Variants in TMEM178B observed in about 807,000 individuals in gnomAD.
TMEM178B encodes transmembrane protein 178B.
Under a neutral mutation model 31.0 loss-of-function variants are expected in TMEM178B, and 5 were observed. That is an observed-to-expected ratio of 0.16 (90% CI 0.08 to 0.34). The LOEUF (loss-of-function observed/expected upper bound fraction) is 0.34, where lower values mean the gene tolerates loss of function less well. TMEM178B is among the 10% of genes least tolerant of loss of function. The probability of loss-of-function intolerance (pLI) is 1.00; values close to 1 mark genes in which losing one functional copy is unlikely to be tolerated. For synonymous variants in TMEM178B, 164 were observed against 164.0 expected (o/e 1.00, Z 0.00); for missense variants, 275 against 400.3 (o/e 0.69, Z 2.67).
chr7:141,156,277 C>G (rs1320059665), intron 1 of TMEM178B, among the ~76,000 whole-genome samples: 1 of 152,156 alleles, frequency 6.6e-6, no homozygotes, highest in Non-Finnish European at 1.5e-5. Flanking sequence ...GGCTTTGGAA[C>G]TGGATCTCTG....
chr7:141,275,317 A>G (rs1798248494), intron 2 of TMEM178B, among the ~76,000 whole-genome samples: 1 of 152,210 alleles, frequency 6.6e-6, no homozygotes, highest in African/African-American at 2.4e-5. Flanking sequence ...AGACAAAATC[A>G]AAGTCATATT....
rs1157659500 is a variant in TMEM178B at position 141,478,296 on chromosome 7, C to T, written c.*7510C>T. On this transcript the variant is annotated 3_prime_UTR_variant, in exon 4 of 4. Transcript: ENST00000565468. ...AGTAATAGGAAGTAGGAAAGAGGAG[C>T]AGGGATTAGGTAAATCTGCAGCATA... 1 of 152,266 alleles carries T rather than the reference C, an allele frequency of 6.6e-6. No individual in the cohort carries two copies. Among genetic ancestry groups the T allele is most frequent in the Non-Finnish European group, 1.5e-5 (1 of 68,088 alleles). 9.4% of individuals were successfully genotyped at this position (152,266 alleles called of 1,614,324 possible).
At chr7:141,281,037 C>G (rs1249409027) in intron 2 of TMEM178B, among the ~76,000 whole-genome samples, 1 of 152,034 alleles carries the variant, frequency 6.6e-6, no homozygotes, top group African/African-American at 2.4e-5. Flanking sequence ...CCCTTGTTCT[C>G]TTTGCTCTGC....
intron 2 of TMEM178B, among the ~76,000 whole-genome samples, chr7:141,367,096 T>TG (rs1299432276): frequency 0.22 from 7,080 of 32,622 alleles, 252 homozygotes; most frequent in East Asian, 0.39. Flanking sequence ...GGGGGAGGGG[T>TG]GGGGGGGGCA....
intron 1 of TMEM178B, among the ~76,000 whole-genome samples, chr7:141,135,570 CAA>C (rs1322597240): frequency 3.3e-5 from 5 of 152,098 alleles, no homozygotes; most frequent in East Asian, 1.9e-4. Flanking sequence ...AAATCAATAA[CAA>C]GAGGAACTTT....
chr7:141,154,131 C>A (rs768067080), intron 1 of TMEM178B, among the ~76,000 whole-genome samples: 5 of 152,212 alleles, frequency 3.3e-5, no homozygotes, highest in African/African-American at 1.2e-4. Context: ...TTTTTAAATG[C>A]GGTCAGCTGG....
intron 1 of TMEM178B, among the ~76,000 whole-genome samples, chr7:141,086,475 G>T (rs962036169): frequency 6.6e-6 from 1 of 152,018 alleles, no homozygotes; most frequent in African/African-American, 2.4e-5. Context: ...AGAAAGGTAG[G>T]GTGCAGAATG....
chr7:141,276,053 A>G (rs1442175177), intron 2 of TMEM178B, among the ~76,000 whole-genome samples: 2 of 152,202 alleles, frequency 1.3e-5, no homozygotes, highest in East Asian at 1.9e-4. Flanking sequence ...GATTAACCTC[A>G]GTGCTCACCA....
chr7:141,394,673 T>C (rs1297023437), intron 2 of TMEM178B, among the ~76,000 whole-genome samples: 1 of 152,192 alleles, frequency 6.6e-6, no homozygotes, highest in African/African-American at 2.4e-5. Context: ...GATATCATTT[T>C]CTCCCAACAC....
chr7:141,359,615 A>G (rs937922882), intron 2 of TMEM178B, among the ~76,000 whole-genome samples: 1 of 152,182 alleles, frequency 6.6e-6, no homozygotes, highest in Non-Finnish European at 1.5e-5. Context: ...CTCCAGGTCC[A>G]TCTTGGAGTT....
At chr7:141,226,861 AAAAAAAAAAAAAAG>A (rs1350404807) in intron 2 of TMEM178B, among the ~76,000 whole-genome samples, 2 of 59,016 alleles carry the variant, frequency 3.4e-5, no homozygotes, top group African/African-American at 7.5e-5. Flanking sequence ...ACCACTCTGA[AAAAAAAAAAAAAAG>A]AAAAAGAAAA....
intron 1 of TMEM178B, among the ~76,000 whole-genome samples, chr7:141,200,502 A>G (rs1181994635): frequency 1.3e-5 from 2 of 152,236 alleles, no homozygotes; most frequent in East Asian, 1.9e-4. Context: ...TAGATTTTCA[A>G]TGAAAGAGAG....
At chr7:141,165,750 G>A (rs1005282) in intron 1 of TMEM178B, among the ~76,000 whole-genome samples, 112,507 of 152,148 alleles carry the variant, frequency 0.74, 42,269 homozygotes, top group African/African-American at 0.84. Flanking sequence ...GGGTCAGGCC[G>A]CTTGAGTTGA....
At chr7:141,248,648 A>G (rs553854687) in intron 2 of TMEM178B, among the ~76,000 whole-genome samples, 1 of 152,318 alleles carries the variant, frequency 6.6e-6, no homozygotes, top group African/African-American at 2.4e-5. Flanking sequence ...CGAAATATAG[A>G]AAAGGTACAG....
At chr7:141,117,897 G>C (rs779323451) in intron 1 of TMEM178B, among the ~76,000 whole-genome samples, 2 of 152,156 alleles carry the variant, frequency 1.3e-5, no homozygotes, top group Admixed American at 6.6e-5. Context: ...GTACCATGCT[G>C]TTTTGGTTAC....
intron 2 of TMEM178B, among the ~76,000 whole-genome samples, chr7:141,373,923 A>G (rs751314192): frequency 1.3e-5 from 2 of 152,208 alleles, no homozygotes; most frequent in African/African-American, 2.4e-5. Flanking sequence ...AATTCCTCAC[A>G]TGGGCAAACA....
chr7:141,180,694 T>C (rs1327868937), intron 1 of TMEM178B, among the ~76,000 whole-genome samples: 6 of 152,160 alleles, frequency 3.9e-5, no homozygotes, highest in Non-Finnish European at 5.9e-5. Context: ...CATATTATCT[T>C]TTTAGTTTTC....
chr7:141,087,423 G>A (rs1794806428), intron 1 of TMEM178B, among the ~76,000 whole-genome samples: 1 of 152,094 alleles, frequency 6.6e-6, no homozygotes, highest in African/African-American at 2.4e-5. Context: ...CCTGCTGCTT[G>A]TGGAGAAAAA....
chr7:141,076,147 T>C (rs549641638), intron 1 of TMEM178B, among the ~76,000 whole-genome samples: 2 of 152,362 alleles, frequency 1.3e-5, no homozygotes, highest in Non-Finnish European at 2.9e-5. Flanking sequence ...TTTGGAGCAC[T>C]ACCACTTTGT....
Sources: allele counts gnomAD v4.1 joint callset (sites outside exome capture counted in the v4.1 genomes callset), GRCh38; gene constraint gnomAD v4.1.1; transcripts MANE v1.5; gene names NCBI Gene and HGNC (gene_info 2026-07-23, HGNC 2026-07-21).